The following TNPO3 variants were observed in gnomAD, a reference collection of about 807,000 sequenced individuals.
TNPO3 encodes transportin 3.
TNPO3 carries 65 observed loss-of-function variants against 122.8 expected under a neutral mutation model. The observed-to-expected ratio is 0.53, with a 90% CI of 0.43 to 0.65. The LOEUF is 0.65. TNPO3 is among the 30% of genes least tolerant of loss of function. The pLI is 0.00. For missense variants in TNPO3, 850 were observed against 1,136.7 expected (o/e 0.75, Z 3.63); for synonymous variants, 372 against 411.2 (o/e 0.90, Z 1.15).
chr7:128,975,890 G>C lies in TNPO3; in HGVS notation c.2107C>G (p.Leu703Val). The C allele has an allele frequency of 6.2e-7, 1 of 1,613,974 alleles. No homozygotes were observed. The highest frequency in any genetic ancestry group is 8.5e-7 in the Non-Finnish European group (1 of 1,179,932). ...TATTCATCCACAAGGATACTGCCAA[G>C]GTACAGGAAGCAGGAATGCTGATGT... The part of the protein sequence containing the change: ...HVHQHSCFLY[L>V]GSILVDEYGM... Residue 703 changes from leucine (L) to valine (V), a missense_variant, in exon 17 of 23, where the codon CTT becomes GTT. Coordinates refer to ENST00000265388, the MANE Select transcript of TNPO3 (RefSeq NM_012470.4).
At position 128,979,978 on chromosome 7, in the gene TNPO3, A is replaced by G. The variant is rs778903716; in HGVS notation, c.1913T>C (p.Ile638Thr). 4 of 1,614,118 alleles carry G rather than the reference A, an allele frequency of 2.5e-6. No individual in the cohort carries two copies. Among genetic ancestry groups the G allele is most frequent in the Non-Finnish European group, 3.4e-6 (4 of 1,179,954 alleles). Residue 638 changes from isoleucine to threonine, a missense_variant, in exon 15 of 23, where the codon ATA becomes ACA. Ile to Thr is a moderately conservative substitution (Grantham distance 89). Coordinates refer to ENST00000265388, the MANE Select transcript of TNPO3 (RefSeq NM_012470.4). ...NGQTHPCQKV[I>T]QEIWPVLSET... ...GCATCCATTAGCACTTACTTCCTGTATGACTTTCTGACACGGATGAGTCTG... is the reference window on the plus strand; with the variant it reads ...GCATCCATTAGCACTTACTTCCTGTGTGACTTTCTGACACGGATGAGTCTG...
chr7:128,965,719 G>T (rs1797866841), intron 21 of TNPO3, among the ~76,000 whole-genome samples: 1 of 152,162 alleles, frequency 6.6e-6, no homozygotes, highest in South Asian at 2.1e-4. Context: ...ATAAAATGTG[G>T]TATATGCATA....
intron 1 of TNPO3, among the ~76,000 whole-genome samples, chr7:129,040,592 T>G (rs1365939821): frequency 3.3e-5 from 5 of 152,158 alleles, no homozygotes; most frequent in Non-Finnish European, 7.4e-5. Context: ...GTAAGAAAAT[T>G]ACCTCTCGTT....
Position 128,972,558 on chromosome 7 carries a change from G to T in TNPO3, c.2298C>A (p.Thr766=). 6.2e-7 allele frequency: 1 copy of T among 1,614,032 alleles called. No homozygotes were observed. The highest frequency in any genetic ancestry group is 1.1e-5 in the South Asian group (1 of 91,064). The change falls in exon 19 of 23, where the codon ACC becomes ACA. Residue 766 remains threonine (T), a synonymous_variant. Coordinates refer to ENST00000265388, the MANE Select transcript of TNPO3 (RefSeq NM_012470.4). The stretch of plus-strand genomic sequence containing the variant: ...GGATGACCACTTGGCTCCGCAGCAA[G>T]GTGACAGGGCTACGCTGAATAAACC... ...ATRFIQRSPV[T]LLRSQVVIPI...
chr7:128,981,425 C>T (rs1306306936), intron 14 of TNPO3, among the ~76,000 whole-genome samples: 2 of 152,198 alleles, frequency 1.3e-5, no homozygotes, highest in Admixed American at 6.5e-5. Flanking sequence ...ATTAATTTCA[C>T]CTGATCACTG....
chr7:128,993,242 TA>T (rs1365623677), intron 9 of TNPO3, among the ~76,000 whole-genome samples: 1 of 152,126 alleles, frequency 6.6e-6, no homozygotes, highest in African/African-American at 2.4e-5. Context: ...TGCCTGAAAT[TA>T]AACTAATGTT....
intron 1 of TNPO3, among the ~76,000 whole-genome samples, chr7:129,032,099 G>T (rs1418835034): frequency 6.6e-6 from 1 of 152,164 alleles, no homozygotes; most frequent in South Asian, 2.1e-4. Context: ...ACAGAATGAA[G>T]AAGGAAAAGA....
chr7:129,009,460 G>T (rs1802944543), intron 4 of TNPO3, among the ~76,000 whole-genome samples: 1 of 152,146 alleles, frequency 6.6e-6, no homozygotes, highest in Non-Finnish European at 1.5e-5. Flanking sequence ...CATCCCCTGG[G>T]TTCTATAACA....
At position 128,975,807 on chromosome 7, in the gene TNPO3, T is replaced by G. The variant is rs756447187; in HGVS notation, c.2178+12A>C. On this transcript the variant is annotated intron_variant, in intron 17 of 22. Transcript: ENST00000265388. Reference sequence around the variant, plus strand: ...AGGCCTGATGCGTCTACACTCCTCATGGAAAAGATACCTGGAGCATGTCTA... The same window carrying G: ...AGGCCTGATGCGTCTACACTCCTCAGGGAAAAGATACCTGGAGCATGTCTA... 2.5e-6 allele frequency: 4 copies of G among 1,577,172 alleles called. No homozygotes were observed. The African/African-American group carries it at 4.0e-5, about 16-fold the overall frequency.
At chr7:129,003,039 C>CAAAAAAAAAAAA (rs56226072) in intron 5 of TNPO3, among the ~76,000 whole-genome samples, 55 of 53,254 alleles carry the variant, frequency 1.0e-3, no homozygotes, top group African/African-American at 1.9e-3. Flanking sequence ...GACTCCCTCT[C>CAAAAAAAAAAAA]AAAAAAAAAA....
intron 9 of TNPO3, among the ~76,000 whole-genome samples, chr7:128,993,302 C>G (rs919703589): frequency 6.6e-6 from 1 of 152,114 alleles, no homozygotes; most frequent in African/African-American, 2.4e-5. Flanking sequence ...TAAAATGTTA[C>G]TCAGTGATTG....
chr7:128,967,126 G>C (rs1176819591), intron 21 of TNPO3, among the ~76,000 whole-genome samples, 154 bp downstream of exon 21: 1 of 152,210 alleles, frequency 6.6e-6, no homozygotes, highest in Non-Finnish European at 1.5e-5. Flanking sequence ...ACAGCATGGT[G>C]AATGTTTTCC....
chr7:129,001,354 AAAT>A (rs1801931296), intron 5 of TNPO3, 120 bp from the exon 6 acceptor site: 3 of 790,048 alleles, frequency 3.8e-6, no homozygotes, highest in African/African-American at 1.7e-5. Context: ...AAATATAAGT[AAAT>A]AATAATACAA....
chr7:129,002,957 A>G (rs768121638), intron 5 of TNPO3, among the ~76,000 whole-genome samples: 1 of 146,252 alleles, frequency 6.8e-6, no homozygotes, highest in Non-Finnish European at 1.5e-5. Context: ...GGAGAATGGC[A>G]TGAACCCAGG....
intron 4 of TNPO3, among the ~76,000 whole-genome samples, chr7:129,005,412 A>G (rs115333788): frequency 5.9e-5 from 9 of 152,050 alleles, no homozygotes; most frequent in African/African-American, 2.2e-4. Flanking sequence ...AATACAACTT[A>G]TCTACTTAAT....
chr7:129,014,769 A>T (rs1358923088), intron 4 of TNPO3, among the ~76,000 whole-genome samples: 1 of 152,226 alleles, frequency 6.6e-6, no homozygotes, highest in Non-Finnish European at 1.5e-5. Flanking sequence ...CATTCATAAA[A>T]GAGATAACGT....
chr7:129,049,474 A>G (rs1370592935), intron 1 of TNPO3, among the ~76,000 whole-genome samples: 5 of 152,226 alleles, frequency 3.3e-5, no homozygotes, highest in Admixed American at 6.5e-5. Context: ...CACATTTGGT[A>G]AGGAGAGAAG....
chr7:128,961,127 T>C (rs1274484085), intron 21 of TNPO3, among the ~76,000 whole-genome samples: 1 of 152,136 alleles, frequency 6.6e-6, no homozygotes, highest in Non-Finnish European at 1.5e-5. Context: ...GTATACAGTA[T>C]CTATAAAAAG....
At chr7:128,982,726 C>T (rs1316358289) in intron 13 of TNPO3, among the ~76,000 whole-genome samples, 1 of 151,828 alleles carries the variant, frequency 6.6e-6, no homozygotes, top group Non-Finnish European at 1.5e-5. Flanking sequence ...ATTATTATAG[C>T]TTTGTAATAT....
Sources: gnomAD v4.1 joint callset for allele counts (sites outside exome capture counted in the v4.1 genomes callset) on GRCh38, gnomAD v4.1.1 for gene constraint, MANE v1.5 for transcripts, NCBI Gene and HGNC (gene_info 2026-07-23, HGNC 2026-07-21) for gene names.